The following CSGALNACT2 variants were observed in gnomAD, a reference collection of about 807,000 sequenced individuals.
The protein encoded by CSGALNACT2 is beta 4 GalNAcT-2.
CSGALNACT2 carries 35 observed loss-of-function variants against 55.3 expected under a neutral mutation model. The observed-to-expected ratio is 0.63, with a 90% CI of 0.48 to 0.84. The LOEUF (loss-of-function observed/expected upper bound fraction) is 0.84. Among genes scored for constraint, CSGALNACT2 ranks in the 40% least tolerant of loss-of-function variants. The probability of loss-of-function intolerance (pLI) is 0.00; values close to 1 mark genes in which losing one functional copy is unlikely to be tolerated. For synonymous variants in CSGALNACT2, 196 were observed against 224.9 expected (o/e 0.87, Z 1.15); for missense variants, 544 against 657.5 (o/e 0.83, Z 1.89).
Position 43,178,082 on chromosome 10 carries a change from C to T in CSGALNACT2, c.1336+2050C>T, listed in dbSNP as rs532871643. On this transcript the variant is annotated intron_variant, in intron 7 of 7. Transcript: ENST00000374466. ...CTTTAGTGAAATGTCTGTTCAGATCCTTTGCCCATTTTAATTGGGTTATGG... is the reference window on the plus strand; with the variant it reads ...CTTTAGTGAAATGTCTGTTCAGATCTTTTGCCCATTTTAATTGGGTTATGG... 9.2e-5 allele frequency among the ~76,000 whole-genome samples: 14 copies of T among 152,208 alleles called. 1 individual carries two copies. The highest frequency in any genetic ancestry group is 8.5e-4 in the Admixed American group (13 of 15,286).
At position 43,160,499 on chromosome 10, in the gene CSGALNACT2, T is replaced by A; in HGVS notation, c.884T>A (p.Val295Asp). Residue 295 changes from valine to aspartate, a missense_variant, in exon 4 of 8, where the codon GTT (valine) becomes GAT (aspartate). By Grantham distance (152) the Val-to-Asp change is radical (BLOSUM62 -3). Around this residue, in one of 2 missense-constraint regions of CSGALNACT2, gnomAD observed 374 missense variants for 401.3 expected, o/e 0.93. Transcript: ENST00000374466. The stretch of plus-strand genomic sequence containing the variant: ...TTATTTTTCACTTCTGTTAGGGATG[T>A]TTGTATTCATCAAGACAAGAAGATT... ...FVQFMQNFRD[V>D]CIHQDKKIHL... is the part of the protein sequence containing the mutation. The A allele has an allele frequency of 6.6e-7, 1 of 1,523,782 alleles. No homozygotes were observed. 94.4% of individuals were successfully genotyped at this position (1,523,782 alleles called of 1,614,324 possible).
At position 43,185,256 on chromosome 10, in the gene CSGALNACT2, C is replaced by T. The variant is rs1839671971; in HGVS notation, c.*1714C>T. ...CAATGGAAATGCTATACGTTTTTGA[C>T]ATTTATTAAATGGTACCAATAAAGT... On this transcript the variant is annotated 3_prime_UTR_variant, in exon 8 of 8. Transcript: ENST00000374466. 1 of 152,140 alleles carries T rather than the reference C, an allele frequency of 6.6e-6. No individual in the cohort carries two copies. Among genetic ancestry groups the T allele is most frequent in the African/African-American group, 2.4e-5 (1 of 41,414 alleles). The allele number at this position is 152,140 out of a possible 1,614,324, so 9.4% of individuals were successfully genotyped here.
rs529142327 is a variant in CSGALNACT2 at position 43,138,499 on chromosome 10, A to T, written c.-322A>T. On this transcript the variant is annotated 5_prime_UTR_variant, in exon 1 of 8. Transcript: ENST00000374466. ...GGGTGGCTGAGGCGGCGGCGGGCCC[A>T]AGGCGTGAGGCGCCGCCCGGGTGTC... 2 of 150,546 alleles carry T rather than the reference A, an allele frequency of 1.3e-5. No homozygotes were observed. The highest frequency in any genetic ancestry group is 6.6e-5 in the Admixed American group (1 of 15,128). The allele number at this position is 150,546 out of a possible 1,614,324, so 9.3% of individuals were successfully genotyped here.
At chr10:43,162,189 T>C (rs1033724771) in intron 4 of CSGALNACT2, 1 of 519,256 alleles carries the variant, frequency 1.9e-6, no homozygotes, top group Non-Finnish European at 3.8e-6. Flanking sequence ...GACTTCATTC[T>C]CCTGTTGCAG....
chr10:43,140,225 T>C (rs536497577), intron 1 of CSGALNACT2, among the ~76,000 whole-genome samples: 8 of 152,166 alleles, frequency 5.3e-5, no homozygotes, highest in African/African-American at 1.9e-4. Context: ...GTAAATTAAA[T>C]GTCTTGGTGA....
chr10:43,155,092 A>G lies in CSGALNACT2; in HGVS notation c.-58A>G. Reference sequence around the variant, plus strand: ...TGTTTTTAATTTTTGATAACTTTTTACTAAAGGTATGAACACACAAAGAGC... The same window carrying G: ...TGTTTTTAATTTTTGATAACTTTTTGCTAAAGGTATGAACACACAAAGAGC... On this transcript the variant is annotated 5_prime_UTR_variant, in exon 2 of 8. Transcript: ENST00000374466. 1 of 1,309,608 alleles carries G rather than the reference A, an allele frequency of 7.6e-7. No individual in the cohort carries two copies. The allele number at this position is 1,309,608 out of a possible 1,614,324, so 81.1% of individuals were successfully genotyped here.
intron 1 of CSGALNACT2, among the ~76,000 whole-genome samples, chr10:43,151,573 T>G (rs1838874905): frequency 6.6e-6 from 1 of 152,208 alleles, no homozygotes; most frequent in Admixed American, 6.5e-5. Context: ...CCTTAGCCCG[T>G]TAGTTGCCTC....
In CSGALNACT2 at chr10:43,183,510, G is replaced by C. The variant is rs373352099; in HGVS notation, c.1597G>C (p.Ala533Pro). The part of the protein sequence containing the change: ...EEIETHLHKQ[A>P]YRTNSEAVG ...AATAGAGACGCATCTTCATAAACAG[G>C]CATACAGGACAAACAGTGAAGCTGT... Residue 533 changes from alanine to proline, a missense_variant, in exon 8 of 8, where the codon GCA becomes CCA. Coordinates refer to ENST00000374466, the MANE Select transcript of CSGALNACT2 (RefSeq NM_018590.5). 1.2e-6 allele frequency: 2 copies of C among 1,613,976 alleles called. No individual in the cohort carries two copies. Among genetic ancestry groups the C allele is most frequent in the Non-Finnish European group, 1.7e-6 (2 of 1,179,986 alleles).
At chr10:43,168,269 G>A (rs1006669180) in intron 6 of CSGALNACT2, among the ~76,000 whole-genome samples, 6 of 151,986 alleles carry the variant, frequency 3.9e-5, no homozygotes, top group Non-Finnish European at 7.4e-5. Flanking sequence ...TGGCCAATAT[G>A]GTGAAACCCC....
intron 5 of CSGALNACT2, 68 bp from the exon 6 acceptor site, chr10:43,166,936 G>A: frequency 2.3e-6 from 2 of 854,138 alleles, no homozygotes; most frequent in South Asian, 1.6e-5. Flanking sequence ...AAACTTAATA[G>A]ATATTGCAAT....
intron 7 of CSGALNACT2, among the ~76,000 whole-genome samples, chr10:43,178,780 G>A (rs560867878): frequency 1.3e-4 from 20 of 152,026 alleles, no homozygotes; most frequent in African/African-American, 4.3e-4. Flanking sequence ...CATGCATATG[G>A]AGGGCTGACT....
chr10:43,161,166 T>G (rs911725677), intron 4 of CSGALNACT2, among the ~76,000 whole-genome samples: 2 of 152,242 alleles, frequency 1.3e-5, no homozygotes, highest in African/African-American at 4.8e-5. Context: ...AGTACTTAAT[T>G]ATTAATTCTT....
At chr10:43,163,259 C>G in intron 4 of CSGALNACT2, 3 of 965,348 alleles carry the variant, frequency 3.1e-6, no homozygotes, top group Non-Finnish European at 3.7e-6. Flanking sequence ...ATTCATTCAG[C>G]AAATATTTAT....
At chr10:43,140,554 A>C (rs1424160314) in intron 1 of CSGALNACT2, among the ~76,000 whole-genome samples, 1 of 152,226 alleles carries the variant, frequency 6.6e-6, no homozygotes, top group Non-Finnish European at 1.5e-5. Flanking sequence ...TAACTGTTAG[A>C]CAAGTCTGTT....
At chr10:43,152,172 T>C (rs909167428) in intron 1 of CSGALNACT2, among the ~76,000 whole-genome samples, 1 of 152,216 alleles carries the variant, frequency 6.6e-6, no homozygotes, top group African/African-American at 2.4e-5. Flanking sequence ...GCATTTGTGC[T>C]TAGAAGGCTT....
intron 1 of CSGALNACT2, among the ~76,000 whole-genome samples, chr10:43,140,334 C>T (rs1838593927): frequency 6.6e-6 from 1 of 151,938 alleles, no homozygotes; most frequent in South Asian, 2.1e-4. Flanking sequence ...CATTACCAAC[C>T]AAAGGCAGAA....
At position 43,184,199 on chromosome 10, in the gene CSGALNACT2, T is replaced by C. The variant is rs1300187881; in HGVS notation, c.*657T>C. ...AGAATCTATGGCTTGATTAAAAATA[T>C]GTTATTACATTATCATGTTCAGGAT... On this transcript the variant is annotated 3_prime_UTR_variant, in exon 8 of 8. Transcript: ENST00000374466. 2.0e-5 allele frequency: 3 copies of C among 152,348 alleles called. No homozygotes were observed. The highest frequency in any genetic ancestry group is 4.8e-5 in the African/African-American group (2 of 41,448). 9.4% of individuals were successfully genotyped at this position (152,348 alleles called of 1,614,324 possible).
At chr10:43,166,863 CATG>C (rs1339860468) in intron 5 of CSGALNACT2, 138 bp from the exon 6 acceptor site, 5 of 511,586 alleles carry the variant, frequency 9.8e-6, no homozygotes, top group South Asian at 2.9e-5. Flanking sequence ...ATCAAATTAA[CATG>C]ATGTTCTGTA....
intron 3 of CSGALNACT2, among the ~76,000 whole-genome samples, chr10:43,159,325 G>A (rs1839093886): frequency 6.6e-6 from 1 of 150,978 alleles, no homozygotes; most frequent in African/African-American, 2.4e-5. Context: ...TTGAGACAGG[G>A]TCTCACTCTA....
Sources: allele counts gnomAD v4.1 joint callset (sites outside exome capture counted in the v4.1 genomes callset), GRCh38; gene constraint gnomAD v4.1.1; regional missense constraint gnomAD v4.1.1; transcripts MANE v1.5; gene names NCBI Gene and HGNC (gene_info 2026-07-23, HGNC 2026-07-21).